Variants in TCF4 observed in about 807,000 individuals in gnomAD.
The protein encoded by TCF4 is transcription factor 4, also known as SL3-3 enhancer factor 2.
TCF4 carries 3 observed loss-of-function variants against 82.1 expected under a neutral mutation model. The ratio of observed to expected loss-of-function variants is 0.04; its 90% CI spans 0.02 to 0.09. The LOEUF is 0.09. Ranked by LOEUF, TCF4 falls within the 10% of genes least tolerant of loss-of-function variation. TCF4 has a pLI of 1.00. For synonymous variants in TCF4, 276 were observed against 309.6 expected, an observed-to-expected ratio of 0.89 and a Z score of 1.14; for missense variants, 518 against 852.7, an observed-to-expected ratio of 0.61 and a Z score of 4.89.
rs35255242 is a variant in TCF4 at position 55,429,764 on chromosome 18, CAAAAAAAAAA to C, written c.305-26256_305-26247del. Among the ~76,000 whole-genome samples, 168 of 57,192 alleles carry C rather than the reference CAAAAAAAAAA, an allele frequency of 2.9e-3. 1 individual carries two copies. Among genetic ancestry groups the C allele is most frequent in the South Asian group, 7.7e-3 (6 of 784 alleles). 37.5% of individuals were successfully genotyped at this position (57,192 alleles called of 152,430 possible). On this transcript the variant is annotated intron_variant, in intron 5 of 19. Transcript: ENST00000354452. ...TGGGGGACAGAGCAAGACTCCATCT[CAAAAAAAAAA>C]AAAAAAAAAAAAAAACAATTTGGTC... is the stretch of plus-strand genomic sequence containing the variant.
chr18:55,269,773 T>C (rs565286428), intron 11 of TCF4, 58 bp downstream of exon 11: 1 of 1,609,686 alleles, frequency 6.2e-7, no homozygotes, highest in African/African-American at 1.3e-5. Flanking sequence ...AAGAGGTCCT[T>C]GATGATTAAA....
chr18:55,552,218 T>C (rs541745197), intron 3 of TCF4, among the ~76,000 whole-genome samples: 36 of 152,338 alleles, frequency 2.4e-4, no homozygotes, highest in South Asian at 4.1e-4. Context: ...TTATTCCTTA[T>C]AGAAACTAGA....
Position 55,587,082 on chromosome 18 carries a change from G to C in TCF4, c.35C>G (p.Thr12Arg). The C allele has an allele frequency of 6.2e-7, 1 of 1,613,458 alleles. No homozygotes were observed. The highest frequency in any genetic ancestry group is 1.1e-5 in the South Asian group (1 of 91,064). The change falls in exon 2 of 20, where the codon ACG becomes AGG. Residue 12 changes from threonine to arginine, a missense_variant. Coordinates refer to ENST00000354452, the MANE Select transcript of TCF4 (RefSeq NM_001083962.2). Reference sequence around the variant, plus strand: ...CAGTAAATCACTCAGCTCTTTGTCCGTCCCTAAGGCAGCCATTCGCTGTTG... The same window carrying C: ...CAGTAAATCACTCAGCTCTTTGTCCCTCCCTAAGGCAGCCATTCGCTGTTG... Reference protein sequence around the residue: ...HHQQRMAALGTDKELSDLLDF... With the variant: ...HHQQRMAALGRDKELSDLLDF...
Position 55,633,406 on chromosome 18 carries a change from A to G in TCF4, c.196-2018T>C, listed in dbSNP as rs937955886. 6.6e-6 allele frequency among the ~76,000 whole-genome samples: 1 copy of G among 152,188 alleles called. No individual in the cohort carries two copies. Among genetic ancestry groups the G allele is most frequent in the South Asian group, 2.1e-4 (1 of 4,830 alleles). ...CTTCTTCCAGAATTAGTGATCTAAA[A>G]AGAGCAAAGTGGAAGCCACAGTGCC... On this transcript the variant is annotated intron_variant, in intron 1 of 20. Transcript: ENST00000398339. The surrounding 1 kb of genome is among the most constrained non-coding windows in gnomAD (Gnocchi z 4.0).
Position 55,465,386 on chromosome 18 carries a change from C to T in TCF4, c.146-1249G>A, listed in dbSNP as rs138775048. On this transcript the variant is annotated intron_variant, in intron 3 of 19. Coordinates refer to ENST00000354452, the MANE Select transcript of TCF4 (RefSeq NM_001083962.2). Reference sequence around the variant, plus strand: ...ATCTTAAGAGATAGAAAAGCAACAACAACTAAGTTATTACCATTAAATTAA... The same window carrying T: ...ATCTTAAGAGATAGAAAAGCAACAATAACTAAGTTATTACCATTAAATTAA... 4.1e-3 allele frequency among the ~76,000 whole-genome samples: 627 copies of T among 151,602 alleles called. 5 individuals carry two copies. Among genetic ancestry groups the T allele is most frequent in the Non-Finnish European group, 7.3e-3 (497 of 67,902 alleles).
chr18:55,273,275 A>T (rs2060766560), intron 10 of TCF4, among the ~76,000 whole-genome samples: 1 of 152,190 alleles, frequency 6.6e-6, no homozygotes, highest in South Asian at 2.1e-4. Flanking sequence ...TAAAGTGATG[A>T]AGGCAATGAT....
intron 6 of TCF4, among the ~76,000 whole-genome samples, chr18:55,365,233 G>GTGTA (rs1236296123): frequency 4.6e-5 from 6 of 130,800 alleles, no homozygotes; most frequent in African/African-American, 1.9e-4. Context: ...GTGTGTGTGT[G>GTGTA]TATATATATG....
intron 2 of TCF4, among the ~76,000 whole-genome samples, chr18:55,600,725 C>A (rs962322405): frequency 6.6e-6 from 1 of 152,156 alleles, no homozygotes; most frequent in Non-Finnish European, 1.5e-5. Context: ...CATTGGAGTG[C>A]AGTTGACTGT....
rs572634265 is a variant in TCF4, at chr18:55,463,149, G to A, written c.207+927C>T. On this transcript the variant is annotated intron_variant, in intron 4 of 19. Transcript: ENST00000354452. ...GACATGCTGGTTTTACCATGTACAC[G>A]AAGTGTACTTTTAATCTGGGGCATT... 2.2e-4 allele frequency among the ~76,000 whole-genome samples: 33 copies of A among 152,260 alleles called. 1 individual carries two copies. The South Asian group carries it at 5.2e-3, about 24-fold the overall frequency.
intron 10 of TCF4, among the ~76,000 whole-genome samples, chr18:55,273,518 G>A (rs113310466): frequency 0.01 from 1,530 of 152,196 alleles, 17 homozygotes; most frequent in Non-Finnish European, 0.017. Flanking sequence ...AGTCACTTCA[G>A]TAAAAGATTT....
At chr18:55,270,675 T>G (rs2060162903) in intron 10 of TCF4, among the ~76,000 whole-genome samples, 1 of 152,126 alleles carries the variant, frequency 6.6e-6, no homozygotes, top group South Asian at 2.1e-4. Context: ...ACAGAATCAC[T>G]TGGTTTAAGA....
chr18:55,626,228 C>A (rs1303847930), intron 2 of TCF4, among the ~76,000 whole-genome samples: 1 of 152,212 alleles, frequency 6.6e-6, no homozygotes, highest in African/African-American at 2.4e-5. Context: ...TTTATCACAA[C>A]CACTACTTAA....
intron 6 of TCF4, among the ~76,000 whole-genome samples, chr18:55,389,708 G>GCTAA (rs1031174041): frequency 1.3e-5 from 2 of 152,078 alleles, no homozygotes; most frequent in African/African-American, 4.8e-5. Flanking sequence ...ATACCACCAT[G>GCTAA]CTAAGGACAG....
chr18:55,562,463 A>G (rs8089302), intron 3 of TCF4, among the ~76,000 whole-genome samples: 10 of 152,222 alleles, frequency 6.6e-5, no homozygotes, highest in African/African-American at 2.4e-4. Flanking sequence ...CCTGCCAGTA[A>G]CCAAAATATA....
chr18:55,504,970 T>C (rs2096737733), intron 3 of TCF4, among the ~76,000 whole-genome samples: 1 of 152,120 alleles, frequency 6.6e-6, no homozygotes. Context: ...AAAGGAAAAC[T>C]GCCAAGATGC....
At chr18:55,425,703 A>T (rs2094950949) in intron 5 of TCF4, among the ~76,000 whole-genome samples, 2 of 152,204 alleles carry the variant, frequency 1.3e-5, no homozygotes, top group African/African-American at 4.8e-5. Context: ...GGCTCTTTCA[A>T]ATTAAATTTC....
intron 6 of TCF4, among the ~76,000 whole-genome samples, chr18:55,362,910 A>G (rs1431299227): frequency 6.6e-6 from 1 of 152,230 alleles, no homozygotes; most frequent in African/African-American, 2.4e-5. Flanking sequence ...TCAGCAGTAT[A>G]AACACTTCTA....
chr18:55,531,433 A>G (rs2097061887), intron 3 of TCF4, among the ~76,000 whole-genome samples: 1 of 152,210 alleles, frequency 6.6e-6, no homozygotes, highest in African/African-American at 2.4e-5. Flanking sequence ...AAAATAATTA[A>G]AAGTTACCTT....
chr18:55,510,226 C>A (rs1342139175), intron 3 of TCF4, among the ~76,000 whole-genome samples: 1 of 152,068 alleles, frequency 6.6e-6, no homozygotes, highest in Non-Finnish European at 1.5e-5. Context: ...TCAGTCTGCC[C>A]CTTAGACTGA....
Sources: allele counts gnomAD v4.1 joint callset (sites outside exome capture counted in the v4.1 genomes callset), GRCh38; gene constraint gnomAD v4.1.1; non-coding constraint Gnocchi (gnomAD v3.1); transcripts MANE v1.5; gene names NCBI Gene and HGNC (gene_info 2026-07-23, HGNC 2026-07-21).